Variants in CDH12 observed in about 807,000 individuals in gnomAD.
CDH12 encodes the protein cadherin 12.
Under a neutral mutation model 74.1 loss-of-function variants are expected in CDH12, and 41 were observed. The ratio of observed to expected loss-of-function variants is 0.55; its 90% CI spans 0.43 to 0.72. The LOEUF (loss-of-function observed/expected upper bound fraction) is 0.72, where lower values mean the gene tolerates loss of function less well. Among genes scored for constraint, CDH12 ranks in the 30% least tolerant of loss-of-function variants. The probability of loss-of-function intolerance (pLI) is 0.00; values close to 1 mark genes in which losing one functional copy is unlikely to be tolerated. For synonymous variants in CDH12, 399 were observed against 355.0 expected (o/e 1.12, Z -1.39); for missense variants, 945 against 977.2 (o/e 0.97, Z 0.44).
At chr5:22,788,472 A>C (rs1032778282) in intron 1 of CDH12, among the ~76,000 whole-genome samples, 2 of 150,786 alleles carry the variant, frequency 1.3e-5, no homozygotes, top group African/African-American at 4.9e-5. Context: ...TTATAATTAA[A>C]ATGCATTGAA....
At chr5:21,771,124 T>C (rs1745300951) in intron 11 of CDH12, among the ~76,000 whole-genome samples, 1 of 152,014 alleles carries the variant, frequency 6.6e-6, no homozygotes, top group Admixed American at 6.6e-5. Context: ...ATAATCTGTA[T>C]GTCAAACTCC....
intron 6 of CDH12, among the ~76,000 whole-genome samples, chr5:21,890,975 T>C (rs1156838977): frequency 1.3e-5 from 2 of 152,070 alleles, no homozygotes; most frequent in African/African-American, 4.8e-5. Flanking sequence ...CCAAAGTATA[T>C]AAACCCCATT....
At chr5:22,291,061 G>T (rs540656271) in intron 3 of CDH12, among the ~76,000 whole-genome samples, 2 of 151,802 alleles carry the variant, frequency 1.3e-5, no homozygotes, top group Non-Finnish European at 2.9e-5. Flanking sequence ...AGGATGATTC[G>T]GCATACATAA....
At chr5:22,819,929 A>ATG in intron 1 of CDH12, among the ~76,000 whole-genome samples, 1 of 147,788 alleles carries the variant, frequency 6.8e-6, no homozygotes, top group South Asian at 2.1e-4. Context: ...ATTTATATAG[A>ATG]TGTGTGTGTA....
chr5:22,657,311 C>T (rs1247135678), intron 1 of CDH12, among the ~76,000 whole-genome samples: 1 of 152,050 alleles, frequency 6.6e-6, no homozygotes, highest in Non-Finnish European at 1.5e-5. Context: ...GCTCTTGTCG[C>T]AATCTGGAGG....
At chr5:21,904,877 T>C (rs929754974) in intron 6 of CDH12, among the ~76,000 whole-genome samples, 3 of 152,162 alleles carry the variant, frequency 2.0e-5, no homozygotes, top group Non-Finnish European at 2.9e-5. Context: ...TATTGAGATG[T>C]GGTTTATACC....
intron 4 of CDH12, among the ~76,000 whole-genome samples, chr5:22,115,972 G>A (rs1337650680): frequency 6.6e-6 from 1 of 152,124 alleles, no homozygotes; most frequent in Non-Finnish European, 1.5e-5. Flanking sequence ...TTACAGGCAT[G>A]AGCCACTGTG....
intron 1 of CDH12, among the ~76,000 whole-genome samples, chr5:22,651,925 A>T (rs1739764690): frequency 6.6e-6 from 1 of 151,856 alleles, no homozygotes; most frequent in Non-Finnish European, 1.5e-5. Context: ...TCACAGGAAA[A>T]CCCCCCTCGG....
chr5:21,918,242 GTTTAT>G (rs1179941428), intron 6 of CDH12, among the ~76,000 whole-genome samples: 1 of 152,062 alleles, frequency 6.6e-6, no homozygotes, highest in Non-Finnish European at 1.5e-5. Flanking sequence ...TGAAAATCCA[GTTTAT>G]TTTATCCAGT....
At chr5:22,218,051 T>A (rs1751882716) in intron 3 of CDH12, among the ~76,000 whole-genome samples, 1 of 151,646 alleles carries the variant, frequency 6.6e-6, no homozygotes, top group Non-Finnish European at 1.5e-5. Flanking sequence ...TAAATACCTA[T>A]TAGAATAGTT....
chr5:22,085,386 G>A (rs1436514317), intron 4 of CDH12, among the ~76,000 whole-genome samples: 2 of 152,088 alleles, frequency 1.3e-5, no homozygotes, highest in Non-Finnish European at 1.5e-5. Context: ...TACATTGAAA[G>A]GGTTCTCTTT....
At chr5:22,443,451 G>A (rs1039953436) in intron 2 of CDH12, among the ~76,000 whole-genome samples, 6 of 152,038 alleles carry the variant, frequency 3.9e-5, no homozygotes, top group Non-Finnish European at 8.8e-5. Flanking sequence ...TGATACTTAG[G>A]TAGGTCTTAG....
chr5:22,543,805 C>A (rs1023480084), intron 1 of CDH12, among the ~76,000 whole-genome samples: 1 of 152,150 alleles, frequency 6.6e-6, no homozygotes, highest in Non-Finnish European at 1.5e-5. Context: ...GGTCCCAAGA[C>A]ACTTACTCTC....
At chr5:22,575,255 A>C (rs1739726432) in intron 1 of CDH12, among the ~76,000 whole-genome samples, 1 of 152,146 alleles carries the variant, frequency 6.6e-6, no homozygotes, top group South Asian at 2.1e-4. Context: ...TGGTAAAATA[A>C]ATATATCCTC....
At chr5:21,758,226 T>C (rs1744510526) in intron 13 of CDH12, among the ~76,000 whole-genome samples, 1 of 152,150 alleles carries the variant, frequency 6.6e-6, no homozygotes, top group Admixed American at 6.5e-5. Flanking sequence ...TTTCAGTCTT[T>C]ATGATAAAAT....
At chr5:22,162,715 C>T (rs1459562985) in intron 4 of CDH12, among the ~76,000 whole-genome samples, 1 of 152,016 alleles carries the variant, frequency 6.6e-6, no homozygotes, top group African/African-American at 2.4e-5. Context: ...ACATCCAACT[C>T]CTCATCATTT....
At chr5:22,332,742 A>G (rs1739402982) in intron 3 of CDH12, among the ~76,000 whole-genome samples, 1 of 152,230 alleles carries the variant, frequency 6.6e-6, no homozygotes, top group Non-Finnish European at 1.5e-5. Flanking sequence ...TCATTAAAGA[A>G]ATTCAAATCA....
intron 4 of CDH12, among the ~76,000 whole-genome samples, chr5:22,181,389 A>C (rs1749637762): frequency 1.3e-5 from 2 of 152,042 alleles, no homozygotes; most frequent in Non-Finnish European, 2.9e-5. Context: ...CCTCCTTTAC[A>C]GTCTCCTTAG....
chr5:22,829,175 A>C (rs557118252), intron 1 of CDH12, among the ~76,000 whole-genome samples: 2 of 152,294 alleles, frequency 1.3e-5, no homozygotes, highest in African/African-American at 4.8e-5. Context: ...GAAAATGACA[A>C]ATTTTTAATT....
Sources: gnomAD v4.1 joint callset for allele counts (sites outside exome capture counted in the v4.1 genomes callset) on GRCh38, gnomAD v4.1.1 for gene constraint, MANE v1.5 for transcripts, NCBI Gene and HGNC (gene_info 2026-07-23, HGNC 2026-07-21) for gene names.